Variants in ZFHX3 observed in about 807,000 individuals in gnomAD.
The protein encoded by ZFHX3 is zinc finger homeobox 3.
A neutral mutation model predicts 279.1 loss-of-function variants in ZFHX3; 42 were observed. The observed-to-expected ratio is 0.15, with a 90% CI of 0.12 to 0.19. The LOEUF is 0.19. Among genes scored for constraint, ZFHX3 ranks in the 10% least tolerant of loss-of-function variants. ZFHX3 has a pLI of 1.00. For synonymous variants in ZFHX3, 2,293 were observed against 1,957.8 expected, an observed-to-expected ratio of 1.17 and a Z score of -4.52; for missense variants, 4,981 against 4,754.0, an observed-to-expected ratio of 1.05 and a Z score of -1.40.
At chr16:73,278,344 A>G (rs1414553470) in intron 4 of ZFHX3, among the ~76,000 whole-genome samples, 1 of 152,210 alleles carries the variant, frequency 6.6e-6, no homozygotes, top group Non-Finnish European at 1.5e-5. Context: ...GTTTTTGGTA[A>G]AGTGTAACGA....
intron 8 of ZFHX3, among the ~76,000 whole-genome samples, chr16:73,077,037 GGTAACTAT>G (rs1270527886): frequency 6.6e-6 from 1 of 152,014 alleles, no homozygotes; most frequent in Admixed American, 6.6e-5. Flanking sequence ...AAATAGGTCA[GGTAACTAT>G]TCCCCTCCTT....
intron 3 of ZFHX3, among the ~76,000 whole-genome samples, chr16:73,355,412 C>G (rs543438361): frequency 6.6e-6 from 1 of 152,142 alleles, no homozygotes; most frequent in Non-Finnish European, 1.5e-5. Flanking sequence ...TTTGCACACA[C>G]CAAGGAGTTC....
chr16:73,091,811 G>A (rs1966086370), intron 8 of ZFHX3, among the ~76,000 whole-genome samples: 1 of 152,166 alleles, frequency 6.6e-6, no homozygotes, highest in Non-Finnish European at 1.5e-5. Context: ...AAAACCCTGA[G>A]AATATCTATA....
chr16:73,234,224 C>G (rs1381894644), intron 5 of ZFHX3, among the ~76,000 whole-genome samples: 1 of 152,164 alleles, frequency 6.6e-6, no homozygotes, highest in African/African-American at 2.4e-5. Flanking sequence ...TCACCCATCC[C>G]TGGACTCTGT....
At chr16:73,437,696 T>A (rs986404513) in intron 3 of ZFHX3, among the ~76,000 whole-genome samples, 68 of 152,284 alleles carry the variant, frequency 4.5e-4, no homozygotes, top group African/African-American at 1.6e-3. Context: ...AATGACATAA[T>A]TATTATTATT....
At chr16:72,947,249 A>G (rs79849583) in intron 3 of ZFHX3, among the ~76,000 whole-genome samples, 1,587 of 152,354 alleles carry the variant, frequency 0.01, 20 homozygotes, top group African/African-American at 0.035. Flanking sequence ...GTGCAAAAGA[A>G]AAACAGGTTG....
chr16:73,441,460 G>C (rs947671305), intron 3 of ZFHX3, among the ~76,000 whole-genome samples: 1 of 152,128 alleles, frequency 6.6e-6, no homozygotes, highest in South Asian at 2.1e-4. Context: ...AGCCCATCCA[G>C]CCAACCAATC....
At chr16:73,614,392 A>C (rs2052277456) in intron 2 of ZFHX3, among the ~76,000 whole-genome samples, 1 of 152,226 alleles carries the variant, frequency 6.6e-6, no homozygotes, top group Non-Finnish European at 1.5e-5. Flanking sequence ...TCTTATTTTG[A>C]ACACATCATT....
chr16:73,428,445 T>A (rs1208135282), intron 3 of ZFHX3, among the ~76,000 whole-genome samples: 1 of 151,766 alleles, frequency 6.6e-6, no homozygotes, highest in Non-Finnish European at 1.5e-5. Flanking sequence ...AGAAAACACC[T>A]CCCCGCGCTC....
intron 5 of ZFHX3, among the ~76,000 whole-genome samples, chr16:72,827,026 A>G (rs2036949890): frequency 6.6e-6 from 1 of 152,192 alleles, no homozygotes; most frequent in Non-Finnish European, 1.5e-5. Flanking sequence ...AGGCACATAT[A>G]GAGTGGCTAG....
At chr16:72,800,594 G>A (rs1161545439) in intron 7 of ZFHX3, among the ~76,000 whole-genome samples, 1 of 152,204 alleles carries the variant, frequency 6.6e-6, no homozygotes, top group Non-Finnish European at 1.5e-5. Context: ...CAGGCAAGAG[G>A]AGGAGGGGAG....
intron 1 of ZFHX3, among the ~76,000 whole-genome samples, chr16:73,023,781 G>A (rs1216850868): frequency 6.6e-6 from 1 of 152,186 alleles, no homozygotes; most frequent in Admixed American, 6.5e-5. Flanking sequence ...TGAGCCTAGA[G>A]TAACGAAGAG....
intron 1 of ZFHX3, among the ~76,000 whole-genome samples, chr16:73,847,500 T>G (rs1475465664): frequency 6.6e-6 from 1 of 152,150 alleles, no homozygotes; most frequent in Admixed American, 6.5e-5. Context: ...TCTGGTGTGT[T>G]GAATCTGTTC....
At chr16:73,605,935 A>G (rs2052174700) in intron 2 of ZFHX3, among the ~76,000 whole-genome samples, 1 of 151,988 alleles carries the variant, frequency 6.6e-6, no homozygotes, top group South Asian at 2.1e-4. Flanking sequence ...CTGTAATCCC[A>G]GCATTTTGGG....
chr16:73,671,772 G>T (rs4243135), intron 2 of ZFHX3, among the ~76,000 whole-genome samples: 135,168 of 152,246 alleles, frequency 0.89, 60,059 homozygotes, highest in East Asian at 0.98. Flanking sequence ...GGCTTTCCTT[G>T]AAGGGGAGTT....
chr16:72,962,140 T>A (rs559846507), intron 1 of ZFHX3, among the ~76,000 whole-genome samples: 1 of 152,256 alleles, frequency 6.6e-6, no homozygotes, highest in South Asian at 2.1e-4. Context: ...TACAGGAACA[T>A]GCGGGAAGGG....
chr16:73,503,477 C>T (rs1006967412), intron 2 of ZFHX3, among the ~76,000 whole-genome samples: 16 of 152,316 alleles, frequency 1.1e-4, no homozygotes, highest in African/African-American at 3.6e-4. Context: ...CGTGTCTGCT[C>T]TTGGGGGTGG....
intron 7 of ZFHX3, among the ~76,000 whole-genome samples, chr16:72,810,514 A>G (rs933869051): frequency 2.0e-5 from 3 of 152,194 alleles, no homozygotes; most frequent in Non-Finnish European, 1.5e-5. Context: ...CAGCACCAAC[A>G]TAGTCAAAAG....
intron 7 of ZFHX3, among the ~76,000 whole-genome samples, chr16:73,107,554 G>A (rs1966319646): frequency 6.6e-6 from 1 of 152,134 alleles, no homozygotes; most frequent in Non-Finnish European, 1.5e-5. Flanking sequence ...CACCCAACAA[G>A]GTTGAGAATT....
Sources: allele counts gnomAD v4.1 joint callset (sites outside exome capture counted in the v4.1 genomes callset), GRCh38; gene constraint gnomAD v4.1.1; transcripts MANE v1.5; gene names NCBI Gene and HGNC (gene_info 2026-07-23, HGNC 2026-07-21).